Variants in LIPK observed in about 807,000 individuals in gnomAD.
LIPK encodes the protein lipase member K.
In LIPK, 32 loss-of-function variants were observed where a neutral mutation model predicts 48.6. The ratio of observed to expected loss-of-function variants is 0.66; its 90% confidence interval spans 0.50 to 0.88. The LOEUF (loss-of-function observed/expected upper bound fraction) is 0.88. Ranked by LOEUF, LIPK falls within the 40% of genes least tolerant of loss-of-function variation. The pLI is 0.00. For synonymous variants in LIPK, 164 were observed against 157.4 expected (o/e 1.04, Z -0.32); for missense variants, 507 against 478.5 (o/e 1.06, Z -0.56).
chr10:88,714,020 G>A (rs1037074316), intron 1 of LIPK, among the ~76,000 whole-genome samples: 1 of 151,936 alleles, frequency 6.6e-6, no homozygotes, highest in Non-Finnish European at 1.5e-5. Flanking sequence ...CATCTTTGTT[G>A]TTGTTGTTGT....
At chr10:88,729,256 G>A (rs200407587) in intron 3 of LIPK, among the ~76,000 whole-genome samples, 2 of 112,082 alleles carry the variant, frequency 1.8e-5, no homozygotes, top group Admixed American at 1.0e-4. Flanking sequence ...ATCTGTTGGG[G>A]GGGGGGGGCG....
chr10:88,730,715 G>A (rs1042657579), intron 3 of LIPK, among the ~76,000 whole-genome samples: 1 of 152,156 alleles, frequency 6.6e-6, no homozygotes, highest in Non-Finnish European at 1.5e-5. Flanking sequence ...CATGCGTATC[G>A]AAGGGATTTT....
At chr10:88,713,035 T>C (rs189464104) in intron 1 of LIPK, among the ~76,000 whole-genome samples, 1 of 152,256 alleles carries the variant, frequency 6.6e-6, no homozygotes, top group Admixed American at 6.5e-5. Context: ...TTTAAAGAAA[T>C]GAAATACATG....
At chr10:88,720,619 C>T (rs1042710228) in intron 1 of LIPK, among the ~76,000 whole-genome samples, 1 of 152,062 alleles carries the variant, frequency 6.6e-6, no homozygotes, top group Non-Finnish European at 1.5e-5. Flanking sequence ...AACTAAGGCT[C>T]TCCAAATAAG....
intron 1 of LIPK, among the ~76,000 whole-genome samples, chr10:88,721,219 T>G (rs969084868): frequency 6.6e-6 from 1 of 152,144 alleles, no homozygotes; most frequent in Non-Finnish European, 1.5e-5. Flanking sequence ...AGAATGTCGA[T>G]GTGGGACACA....
At chr10:88,729,787 T>C (rs1013726055) in intron 3 of LIPK, among the ~76,000 whole-genome samples, 4 of 152,216 alleles carry the variant, frequency 2.6e-5, no homozygotes, top group Admixed American at 6.5e-5. Context: ...GAAGGCTCTC[T>C]GAGAGTACAA....
In LIPK at chr10:88,710,112, G is replaced by A. The variant is rs1842001306; in HGVS notation, c.-12+3792G>A. Among the ~76,000 whole-genome samples the A allele has an allele frequency of 2.0e-5, 3 of 151,598 alleles. No homozygotes were observed. In the South Asian group the frequency reaches 6.3e-4, roughly 32 times the overall value. On this transcript the variant is annotated intron_variant, in intron 1 of 9. Transcript: ENST00000404190. The stretch of plus-strand genomic sequence containing the variant: ...ATATAGTCTTTAAAATAATTTAATG[G>A]ACTTATCTACAAGATTAAATTAATA...
intron 9 of LIPK, among the ~76,000 whole-genome samples, chr10:88,749,862 GCAGA>G (rs1277911697): frequency 7.2e-6 from 1 of 139,464 alleles, no homozygotes; most frequent in Non-Finnish European, 1.6e-5. Context: ...AATAGAGGAA[GCAGA>G]CAACCTAAGA....
chr10:88,751,759 A>G (rs543173702), intron 9 of LIPK, among the ~76,000 whole-genome samples: 1 of 152,262 alleles, frequency 6.6e-6, no homozygotes, highest in East Asian at 1.9e-4. Context: ...TACTTAGTTC[A>G]TATAGTTTTT....
Position 88,722,889 on chromosome 10 carries a change from C to CTTTTTTTTTTTTT in LIPK, c.-11-1632_-11-1631insTTTTTTTTTTTTT, listed in dbSNP as rs398014386. 4.1e-4 allele frequency among the ~76,000 whole-genome samples: 46 copies of CTTTTTTTTTTTTT among 113,164 alleles called. 2 individuals are homozygous for CTTTTTTTTTTTTT. The highest frequency in any genetic ancestry group is 1.1e-3 in the East Asian group (4 of 3,490). The allele number at this position is 113,164 out of a possible 152,430, so 74.2% of individuals were successfully genotyped here. A position where few individuals can be genotyped will look rare whatever the true frequency, so the allele number is the denominator to read the frequency against. On this transcript the variant is annotated intron_variant, in intron 1 of 9. Coordinates refer to ENST00000404190, the MANE Select transcript of LIPK (RefSeq NM_001080518.2). ...AATTGTTTTTCTTCTTTTCTTTTTT[C>CTTTTTTTTTTTTT]TTTTTTTTTTTTGACAGGGTTTCAC... is the stretch of plus-strand genomic sequence containing the variant.
chr10:88,739,878 TA>T (rs933165964), intron 7 of LIPK, 117 bp from the exon 8 acceptor site: 49 of 574,962 alleles, frequency 8.5e-5, no homozygotes, highest in Admixed American at 1.3e-4. Context: ...AAAATAAAAA[TA>T]AAAAAAAGAA....
intron 1 of LIPK, among the ~76,000 whole-genome samples, chr10:88,707,527 C>T (rs1029206431): frequency 1.3e-5 from 2 of 152,074 alleles, no homozygotes; most frequent in Non-Finnish European, 2.9e-5. Context: ...ATATAATGCT[C>T]TTTAAATGTT....
intron 9 of LIPK, among the ~76,000 whole-genome samples, chr10:88,746,730 A>G (rs1311651594): frequency 6.6e-6 from 1 of 152,148 alleles, no homozygotes; most frequent in Admixed American, 6.6e-5. Flanking sequence ...AGAGCAAACC[A>G]ACTCCAGAGC....
At chr10:88,737,496 A>C (rs944781029) in intron 6 of LIPK, 139 bp from the exon 7 acceptor site, 10 of 825,876 alleles carry the variant, frequency 1.2e-5, no homozygotes, top group Non-Finnish European at 1.9e-5. Flanking sequence ...AAAGCTAATA[A>C]CAAGCCTCAT....
chr10:88,728,335 G>C (rs1842387694), intron 3 of LIPK: 2 of 184,588 alleles, frequency 1.1e-5, no homozygotes, highest in Non-Finnish European at 1.1e-5. Context: ...CCGAGAGCAT[G>C]CACCACCAGG....
At chr10:88,750,172 T>G (rs1455828217) in intron 9 of LIPK, among the ~76,000 whole-genome samples, 1 of 152,114 alleles carries the variant, frequency 6.6e-6, no homozygotes. Flanking sequence ...GCTGGTGAGG[T>G]TGTGGAGAAA....
chr10:88,728,208 A>G, intron 3 of LIPK: 1 of 201,930 alleles, frequency 5.0e-6, no homozygotes, highest in South Asian at 7.6e-5. Flanking sequence ...GCAGTCCCAG[A>G]TCTCGGCCAC....
intron 1 of LIPK, among the ~76,000 whole-genome samples, chr10:88,718,302 T>C (rs1183749910): frequency 6.7e-6 from 1 of 148,536 alleles, no homozygotes; most frequent in South Asian, 2.1e-4. Context: ...TATATATAGA[T>C]CTATATATAT....
chr10:88,729,709 C>T (rs985526741), intron 3 of LIPK, among the ~76,000 whole-genome samples: 12 of 152,198 alleles, frequency 7.9e-5, no homozygotes, highest in Non-Finnish European at 1.8e-4. Flanking sequence ...AGTAACACCT[C>T]TTCTTTCCCT....
Sources: gnomAD v4.1 joint callset for allele counts (sites outside exome capture counted in the v4.1 genomes callset) on GRCh38, gnomAD v4.1.1 for gene constraint, MANE v1.5 for transcripts, NCBI Gene and HGNC (gene_info 2026-07-23, HGNC 2026-07-21) for gene names.